Variants in GRIN3A observed in about 807,000 individuals in gnomAD.
The protein encoded by GRIN3A is glutamate ionotropic receptor NMDA type subunit 3A.
GRIN3A carries 47 observed loss-of-function variants against 92.4 expected under a neutral mutation model. The ratio of observed to expected loss-of-function variants is 0.51; its 90% CI spans 0.40 to 0.65. The LOEUF is 0.65. Ranked by LOEUF, GRIN3A falls within the 30% of genes least tolerant of loss-of-function variation. The pLI, the probability that GRIN3A is intolerant of heterozygous loss-of-function variation, is 0.00. For missense variants in GRIN3A, 1,324 were observed against 1,393.1 expected (o/e 0.95, Z 0.79); for synonymous variants, 527 against 540.6 (o/e 0.97, Z 0.35).
intron 1 of GRIN3A, among the ~76,000 whole-genome samples, chr9:101,722,412 CCCTACTGAAG>C (rs1830024336): frequency 6.6e-6 from 1 of 152,244 alleles, no homozygotes; most frequent in African/African-American, 2.4e-5. Context: ...CCCACAGAGT[CCCTACTGAAG>C]CACTGCCTAG....
intron 6 of GRIN3A, among the ~76,000 whole-genome samples, chr9:101,586,387 A>G (rs542138820): frequency 6.6e-6 from 1 of 152,302 alleles, no homozygotes; most frequent in Non-Finnish European, 1.5e-5. Flanking sequence ...AGCATATGAA[A>G]ACTAGGATTT....
chr9:101,610,971 A>G (rs2118843118), intron 6 of GRIN3A, among the ~76,000 whole-genome samples: 1 of 151,944 alleles, frequency 6.6e-6, no homozygotes, highest in Admixed American at 6.6e-5. Flanking sequence ...GGTAGTGGGC[A>G]CCTGTAGTCC....
In GRIN3A at chr9:101,572,932, G is replaced by T. The variant is rs148829622; in HGVS notation, c.*242C>A. The T allele has an allele frequency of 1.9e-6, 1 of 526,834 alleles. No individual in the cohort carries two copies. Among genetic ancestry groups the T allele is most frequent in the South Asian group, 2.1e-5 (1 of 47,030 alleles). The allele number at this position is 526,834 out of a possible 1,614,324, so 32.6% of individuals were successfully genotyped here. On this transcript the variant is annotated 3_prime_UTR_variant, in exon 9 of 9. Transcript: ENST00000361820. ...TTATCTGGTTATTCACAGATCTCTC[G>T]CACAGAGCTTACTCCTGACTAAGAT... is the stretch of plus-strand genomic sequence containing the variant.
At chr9:101,645,890 G>T (rs917284008) in intron 3 of GRIN3A, among the ~76,000 whole-genome samples, 3 of 151,206 alleles carry the variant, frequency 2.0e-5, no homozygotes, top group Non-Finnish European at 3.0e-5. Context: ...TACATATTCA[G>T]ATCATTTGCC....
chr9:101,623,518 G>A (rs10989565), intron 4 of GRIN3A, 85 bp from the exon 5 acceptor site: 364,963 of 984,018 alleles, frequency 0.37, 69,563 homozygotes, highest in Middle Eastern at 0.42. Flanking sequence ...TTTTGTTTAG[G>A]GGACAGAACC....
chr9:101,609,178 TCCCTCA>T (rs1256593688), intron 6 of GRIN3A, among the ~76,000 whole-genome samples: 2 of 152,178 alleles, frequency 1.3e-5, no homozygotes, highest in Non-Finnish European at 2.9e-5. Context: ...GTGAACCCAT[TCCCTCA>T]CCAATGATAG....
chr9:101,633,818 A>AT (rs1828744529), intron 3 of GRIN3A, among the ~76,000 whole-genome samples: 1 of 152,176 alleles, frequency 6.6e-6, no homozygotes, highest in Admixed American at 6.5e-5. Context: ...CTGCTGCTTT[A>AT]TAGCAAGGTT....
At position 101,737,698 on chromosome 9, in the gene GRIN3A, G is replaced by A. The variant is rs770944736; in HGVS notation, c.282C>T (p.Gly94=). ...GCAGGGTGCTCCCCAACCAGCGTGC[G>A]CCCGGCGAGGGCGCCGGGGACCGCC... The part of the protein sequence containing the change: ...GTRRSPAPSP[G]ARWLGSTLHG... The change falls in exon 1 of 9, where the codon GGC becomes GGT. Residue 94 remains glycine (G), a synonymous_variant. Coordinates refer to ENST00000361820, the MANE Select transcript of GRIN3A (RefSeq NM_133445.3). The A allele has an allele frequency of 3.2e-6, 5 of 1,546,540 alleles. No homozygotes were observed. Among genetic ancestry groups the A allele is most frequent in the South Asian group, 2.4e-5 (2 of 85,100 alleles).
intron 6 of GRIN3A, among the ~76,000 whole-genome samples, chr9:101,585,323 A>G (rs550469383): frequency 5.3e-5 from 8 of 152,256 alleles, no homozygotes; most frequent in Admixed American, 1.3e-4. Flanking sequence ...GACTGTAAAC[A>G]TAGGCATGCT....
At chr9:101,641,164 A>C (rs974162283) in intron 3 of GRIN3A, among the ~76,000 whole-genome samples, 1 of 152,232 alleles carries the variant, frequency 6.6e-6, no homozygotes, top group Non-Finnish European at 1.5e-5. Context: ...GTGGAGAAAT[A>C]GGAATACTTT....
intron 3 of GRIN3A, among the ~76,000 whole-genome samples, chr9:101,637,810 T>A (rs536502989): frequency 1.0e-3 from 153 of 152,318 alleles, no homozygotes; most frequent in Non-Finnish European, 1.8e-3. Context: ...AACATTATAC[T>A]GTACTACTTC....
chr9:101,637,422 A>C (rs1367638874), intron 3 of GRIN3A, among the ~76,000 whole-genome samples: 1 of 152,158 alleles, frequency 6.6e-6, no homozygotes, highest in East Asian at 1.9e-4. Flanking sequence ...CATAAACTAG[A>C]AGAGAGATGT....
In GRIN3A at chr9:101,709,167, C is replaced by T. The variant is rs943812713; in HGVS notation, c.700-21967G>A. ...GAGATGCTTACCCATTTCTAGAGGC[C>T]GGACATGATAAAGGAAGCTAATGAT... On this transcript the variant is annotated intron_variant, in intron 1 of 8. Transcript: ENST00000361820. Among the ~76,000 whole-genome samples, 199 of 151,812 alleles carry T rather than the reference C, an allele frequency of 1.3e-3. 1 individual carries two copies. The highest frequency in any genetic ancestry group is 4.4e-3 in the African/African-American group (184 of 41,378).
rs146742592 is a variant in GRIN3A, at chr9:101,711,097, A to T, written c.700-23897T>A. Among the ~76,000 whole-genome samples, 904 of 152,304 alleles carry T rather than the reference A, an allele frequency of 5.9e-3. 12 individuals are homozygous for T. The highest frequency in any genetic ancestry group is 0.02 in the African/African-American group (841 of 41,556). ...CCCTCGTCCTTCTTGTGATAATGTA[A>T]GATGATAAGATCCCTATGTGATGAG... On this transcript the variant is annotated intron_variant, in intron 1 of 8. Coordinates refer to ENST00000361820, the MANE Select transcript of GRIN3A (RefSeq NM_133445.3).
intron 3 of GRIN3A, among the ~76,000 whole-genome samples, chr9:101,643,681 T>A (rs62577435): frequency 0.36 from 53,638 of 150,422 alleles, 10,020 homozygotes; most frequent in African/African-American, 0.48. Flanking sequence ...TCTCTCTCTC[T>A]CTCACACACA....
In GRIN3A at chr9:101,670,318, C is replaced by G. The variant is rs747075957; in HGVS notation, c.2094G>C (p.Lys698Asn). 4 of 1,613,886 alleles carry G rather than the reference C, an allele frequency of 2.5e-6. No individual in the cohort carries two copies. Among genetic ancestry groups the G allele is most frequent in the African/African-American group, 2.7e-5 (2 of 74,900 alleles). ...TAVFLTLYEW[K>N]SPFGLTPKGR... ...CCTTGGGAGTCAAACCAAATGGACT[C>G]TTCCATTCATACAGAGTGAGGAAGA... is the stretch of plus-strand genomic sequence containing the variant. Residue 698 changes from lysine to asparagine, a missense_variant, in exon 3 of 9, where the codon AAG becomes AAC. Transcript: ENST00000361820.
intron 5 of GRIN3A, among the ~76,000 whole-genome samples, chr9:101,622,447 A>G (rs1195894846): frequency 6.6e-6 from 1 of 152,208 alleles, no homozygotes; most frequent in South Asian, 2.1e-4. Flanking sequence ...TCAAACTATC[A>G]GCTCCATATA....
intron 3 of GRIN3A, among the ~76,000 whole-genome samples, chr9:101,653,210 C>G (rs1207465449): frequency 3.3e-5 from 5 of 151,876 alleles, no homozygotes; most frequent in Non-Finnish European, 5.9e-5. Flanking sequence ...ATTATAATTG[C>G]CAAGGACTAG....
At chr9:101,723,790 C>T (rs964298141) in intron 1 of GRIN3A, among the ~76,000 whole-genome samples, 3 of 152,116 alleles carry the variant, frequency 2.0e-5, no homozygotes, top group Non-Finnish European at 2.9e-5. Context: ...ATTCACAAAC[C>T]CTGAGCTAGA....
Sources: allele counts gnomAD v4.1 joint callset (sites outside exome capture counted in the v4.1 genomes callset), GRCh38; gene constraint gnomAD v4.1.1; transcripts MANE v1.5; gene names NCBI Gene and HGNC (gene_info 2026-07-23, HGNC 2026-07-21).